Variants in CCDC73 observed in about 807,000 individuals in gnomAD.
The protein encoded by CCDC73 is coiled-coil domain-containing protein 73.
In CCDC73, 95 loss-of-function variants were observed where a neutral mutation model predicts 116.5. That is an observed-to-expected ratio of 0.82 (90% confidence interval 0.69 to 0.97). The LOEUF (loss-of-function observed/expected upper bound fraction) is 0.97, where lower values mean the gene tolerates loss of function less well. Ranked by LOEUF, CCDC73 falls within the 50% of genes least tolerant of loss-of-function variation. The pLI, the probability that CCDC73 is intolerant of heterozygous loss-of-function variation, is 0.00. For missense variants in CCDC73, 1,066 were observed against 1,206.8 expected, an observed-to-expected ratio of 0.88 and a Z score of 1.73; for synonymous variants, 398 against 401.3, an observed-to-expected ratio of 0.99 and a Z score of 0.10.
chr11:32,622,707 A>G (rs1242588952), intron 14 of CCDC73, among the ~76,000 whole-genome samples: 1 of 138,618 alleles, frequency 7.2e-6, no homozygotes. Flanking sequence ...AACCTCTAGG[A>G]CACAGCTCAC....
intron 1 of CCDC73, among the ~76,000 whole-genome samples, chr11:32,776,989 G>GTGTATATATA: frequency 9.9e-6 from 1 of 101,140 alleles, no homozygotes; most frequent in South Asian, 3.6e-4. Flanking sequence ...ATATACACAT[G>GTGTATATATA]TATATATATA....
chr11:32,829,898 G>T, the CCDC73 span: 1 of 985,494 alleles, frequency 1.0e-6, no homozygotes, highest in Non-Finnish European at 1.2e-6. Context: ...GCGCGGCCAG[G>T]TGTCCCCAGG....
intron 1 of CCDC73, among the ~76,000 whole-genome samples, chr11:32,765,811 A>G (rs1302186129): frequency 6.6e-6 from 1 of 152,244 alleles, no homozygotes; most frequent in Non-Finnish European, 1.5e-5. Flanking sequence ...TGAGGCAATA[A>G]TTAAGAGCCT....
At chr11:32,768,827 G>A (rs953685717) in intron 1 of CCDC73, among the ~76,000 whole-genome samples, 12 of 152,046 alleles carry the variant, frequency 7.9e-5, no homozygotes, top group Non-Finnish European at 1.5e-4. Context: ...CATAGGCGAC[G>A]GAGTGAGACT....
At chr11:32,724,923 G>A (rs563904644) in intron 2 of CCDC73, among the ~76,000 whole-genome samples, 26 of 152,086 alleles carry the variant, frequency 1.7e-4, no homozygotes, top group African/African-American at 6.3e-4. Flanking sequence ...CAGACATTGT[G>A]GATTCAATAT....
intron 9 of CCDC73, among the ~76,000 whole-genome samples, chr11:32,674,998 A>G (rs1016420160): frequency 6.6e-6 from 1 of 152,126 alleles, no homozygotes; most frequent in Non-Finnish European, 1.5e-5. Flanking sequence ...GCTTTTGCAC[A>G]TGCTATTCCC....
chr11:32,704,612 G>A (rs961034350), intron 3 of CCDC73, among the ~76,000 whole-genome samples: 2 of 152,188 alleles, frequency 1.3e-5, no homozygotes, highest in African/African-American at 4.8e-5. Flanking sequence ...CTGGCAGGAA[G>A]GGATGTCCCT....
chr11:32,716,280 T>C (rs1237555418), intron 3 of CCDC73, among the ~76,000 whole-genome samples: 4 of 152,206 alleles, frequency 2.6e-5, no homozygotes, highest in African/African-American at 7.2e-5. Flanking sequence ...ATTTCTTGAA[T>C]AATCCATTAT....
rs189040827 is a variant in CCDC73 at position 32,784,625 on chromosome 11, G to C, written c.-16+9988C>G. ...TACAAACATACTATTTAAAGATATGGAAGTAAATGTCTAAAGTATCAGCTA... is the reference window on the plus strand; with the variant it reads ...TACAAACATACTATTTAAAGATATGCAAGTAAATGTCTAAAGTATCAGCTA... On this transcript the variant is annotated intron_variant, in intron 1 of 17. Transcript: ENST00000335185. 2.0e-5 allele frequency among the ~76,000 whole-genome samples: 3 copies of C among 152,312 alleles called. No homozygotes were observed. The East Asian group carries it at 5.8e-4, about 29-fold the overall frequency.
intron 3 of CCDC73, among the ~76,000 whole-genome samples, chr11:32,711,235 T>C (rs1207900069): frequency 6.6e-6 from 1 of 151,578 alleles, no homozygotes. Context: ...AGTGTGGAGA[T>C]TCCTTAAAAA....
intron 1 of CCDC73, among the ~76,000 whole-genome samples, chr11:32,789,840 AT>A (rs1850660383): frequency 6.6e-6 from 1 of 152,170 alleles, no homozygotes; most frequent in Non-Finnish European, 1.5e-5. Flanking sequence ...ATACAAAATA[AT>A]TATAATACAA....
chr11:32,763,700 A>G (rs1039172802), intron 1 of CCDC73, among the ~76,000 whole-genome samples: 1 of 152,228 alleles, frequency 6.6e-6, no homozygotes, highest in Non-Finnish European at 1.5e-5. Context: ...TCTAAAAATC[A>G]GAGCACCTCT....
chr11:32,815,375 C>A, the CCDC73 span, among the ~76,000 whole-genome samples: 1 of 149,574 alleles, frequency 6.7e-6, no homozygotes, highest in Admixed American at 6.7e-5. Context: ...TACTTTGTTG[C>A]CCAGGCTGGA....
intron 1 of CCDC73, among the ~76,000 whole-genome samples, chr11:32,779,382 A>C (rs916769741): frequency 6.6e-6 from 1 of 152,196 alleles, no homozygotes; most frequent in Non-Finnish European, 1.5e-5. Flanking sequence ...TAAGACAAAA[A>C]GTAAATGTAT....
At chr11:32,625,036 G>A (rs772541876) in intron 14 of CCDC73, among the ~76,000 whole-genome samples, 3 of 152,170 alleles carry the variant, frequency 2.0e-5, no homozygotes, top group Non-Finnish European at 4.4e-5. Flanking sequence ...TTATGTAATG[G>A]CCTTCTTTGT....
intron 16 of CCDC73, among the ~76,000 whole-genome samples, chr11:32,612,243 G>A (rs1255007271): frequency 1.3e-5 from 2 of 151,950 alleles, no homozygotes; most frequent in South Asian, 2.1e-4. Context: ...AACCCACAAA[G>A]TTCCCTTAAA....
intron 17 of CCDC73, chr11:32,604,717 T>C (rs951724255): frequency 1.1e-4 from 16 of 152,242 alleles, no homozygotes; most frequent in African/African-American, 3.6e-4. Flanking sequence ...TAGGCTGCAG[T>C]GATTATCATT....
intron 2 of CCDC73, among the ~76,000 whole-genome samples, chr11:32,754,805 A>G (rs1850317508): frequency 1.3e-5 from 2 of 151,524 alleles, no homozygotes; most frequent in Admixed American, 1.3e-4. Context: ...CCATTAACAG[A>G]CTTTTTAGCA....
At chr11:32,656,229 C>G (rs1338818971) in intron 9 of CCDC73, among the ~76,000 whole-genome samples, 1 of 152,102 alleles carries the variant, frequency 6.6e-6, no homozygotes, top group South Asian at 2.1e-4. Context: ...AGGCGCCCAC[C>G]ACCACGCCCG....
Sources: gnomAD v4.1 joint callset for allele counts (sites outside exome capture counted in the v4.1 genomes callset) on GRCh38, gnomAD v4.1.1 for gene constraint, MANE v1.5 for transcripts, NCBI Gene and HGNC (gene_info 2026-07-23, HGNC 2026-07-21) for gene names.